Variants in USH2A observed in about 807,000 individuals in gnomAD.
The protein encoded by USH2A is Usher syndrome 2A (autosomal recessive, mild).
Under a neutral mutation model 538.9 loss-of-function variants are expected in USH2A, and 443 were observed. The ratio of observed to expected loss-of-function variants is 0.82; its 90% CI spans 0.76 to 0.89. The LOEUF (loss-of-function observed/expected upper bound fraction) is 0.89. Ranked by LOEUF, USH2A falls within the 40% of genes least tolerant of loss-of-function variation. The pLI, the probability that USH2A is intolerant of heterozygous loss-of-function variation, is 0.00. For synonymous variants in USH2A, 2,413 were observed against 2,273.5 expected (o/e 1.06, Z -1.75); for missense variants, 6,633 against 6,324.8 (o/e 1.05, Z -1.65).
rs144054659 is a variant in USH2A at position 216,199,227 on chromosome 1, A to AT, written c.3811+399dup. Among the ~76,000 whole-genome samples the AT allele has an allele frequency of 4.0e-3, 602 of 152,302 alleles. 1 individual carries two copies. Among genetic ancestry groups the AT allele is most frequent in the African/African-American group, 0.014 (577 of 41,564 alleles). ...ATGGAGTCAGTTAGCTTATATACAT[A>AT]TTTTTTGTATCATTTTATATCTTTT... On this transcript the variant is annotated intron_variant, in intron 17 of 71. Coordinates refer to ENST00000307340, the MANE Select transcript of USH2A (RefSeq NM_206933.4).
chr1:216,302,189 G>T (rs1039895634), intron 9 of USH2A, among the ~76,000 whole-genome samples: 9 of 152,360 alleles, frequency 5.9e-5, no homozygotes, highest in African/African-American at 1.9e-4. Flanking sequence ...AATCTAGACA[G>T]AAAATGGCTC....
intron 63 of USH2A, among the ~76,000 whole-genome samples, chr1:215,673,604 C>T (rs1016913610): frequency 6.6e-6 from 1 of 152,144 alleles, no homozygotes; most frequent in Non-Finnish European, 1.5e-5. Context: ...GTCAGAGAAG[C>T]CTTATTATTC....
intron 61 of USH2A, among the ~76,000 whole-genome samples, chr1:215,724,441 G>A (rs552952969): frequency 1.0e-3 from 125 of 124,362 alleles, no homozygotes; most frequent in Admixed American, 2.0e-3. Flanking sequence ...TGGAATAATA[G>A]ACACTGGAGA....
intron 61 of USH2A, among the ~76,000 whole-genome samples, chr1:215,683,283 CCTT>C (rs1658304526): frequency 6.6e-6 from 1 of 151,540 alleles, no homozygotes; most frequent in Non-Finnish European, 1.5e-5. Context: ...CATATAGACT[CCTT>C]AAATAGATCT....
At chr1:215,900,675 G>A in intron 39 of USH2A, 80 bp downstream of exon 39, 3 of 1,590,616 alleles carry the variant, frequency 1.9e-6, no homozygotes, top group African/African-American at 1.3e-5. Context: ...TTTTGCAAAT[G>A]AGAACTGACC....
chr1:216,310,267 T>A (rs1322770840), intron 9 of USH2A, among the ~76,000 whole-genome samples: 1 of 152,198 alleles, frequency 6.6e-6, no homozygotes, highest in South Asian at 2.1e-4. Context: ...TTTTACATGG[T>A]TCCATTTTCT....
chr1:215,885,366 TAATTC>T (rs1665024322), intron 41 of USH2A, among the ~76,000 whole-genome samples: 1 of 152,206 alleles, frequency 6.6e-6, no homozygotes, highest in Non-Finnish European at 1.5e-5. Flanking sequence ...ATATACTGCT[TAATTC>T]AATTTGGTAA....
intron 3 of USH2A, among the ~76,000 whole-genome samples, chr1:216,384,666 A>G (rs997203294): frequency 6.6e-6 from 1 of 152,118 alleles, no homozygotes; most frequent in African/African-American, 2.4e-5. Flanking sequence ...AGTGGCCTCA[A>G]TCCACACACC....
At chr1:215,728,460 T>G in intron 60 of USH2A, 76 bp from the exon 61 acceptor site, 1 of 1,404,624 alleles carries the variant, frequency 7.1e-7, no homozygotes, top group East Asian at 2.4e-5. Context: ...GTAAAAACAT[T>G]TTTTTTAGAA....
At chr1:215,744,950 T>C (rs1357935852) in intron 58 of USH2A, among the ~76,000 whole-genome samples, 1 of 152,224 alleles carries the variant, frequency 6.6e-6, no homozygotes, top group East Asian at 1.9e-4. Flanking sequence ...TCTCTAGCTT[T>C]CTATCTTTCC....
intron 3 of USH2A, among the ~76,000 whole-genome samples, chr1:216,368,706 C>G (rs1027930684): frequency 2.0e-5 from 3 of 152,150 alleles, no homozygotes; most frequent in African/African-American, 7.2e-5. Context: ...ATGGTTGTTT[C>G]TAACTTAAAT....
intron 35 of USH2A, among the ~76,000 whole-genome samples, chr1:215,984,987 G>A (rs774169369): frequency 2.6e-5 from 4 of 152,104 alleles, no homozygotes; most frequent in Non-Finnish European, 5.9e-5. Context: ...TGGAATCAAC[G>A]GAATCTAAAA....
intron 2 of USH2A, among the ~76,000 whole-genome samples, chr1:216,420,205 G>A (rs1003802578): frequency 6.6e-6 from 1 of 151,974 alleles, no homozygotes; most frequent in African/African-American, 2.4e-5. Flanking sequence ...CTACAAGTGA[G>A]AATTCGACCA....
At chr1:215,821,801 G>A (rs1264294343) in intron 47 of USH2A, among the ~76,000 whole-genome samples, 1 of 151,696 alleles carries the variant, frequency 6.6e-6, no homozygotes, top group Non-Finnish European at 1.5e-5. Flanking sequence ...GTAAGAGATA[G>A]GGGTCTATCT....
At chr1:215,921,128 G>C (rs1234814424) in intron 38 of USH2A, among the ~76,000 whole-genome samples, 1 of 151,982 alleles carries the variant, frequency 6.6e-6, no homozygotes, top group Non-Finnish European at 1.5e-5. Context: ...AACACTATTA[G>C]ATAAATTAAG....
intron 32 of USH2A, among the ~76,000 whole-genome samples, chr1:216,006,900 G>C (rs189147657): frequency 5.9e-5 from 9 of 152,212 alleles, no homozygotes; most frequent in Admixed American, 3.3e-4. Flanking sequence ...TTATCTAAAT[G>C]CTTCTCAGTG....
At position 215,674,476 on chromosome 1, in the gene USH2A, G is replaced by A; in HGVS notation, c.13435C>T (p.Leu4479Phe). 1.2e-6 allele frequency: 2 copies of A among 1,614,120 alleles called. No homozygotes were observed. Among genetic ancestry groups the A allele is most frequent in the Non-Finnish European group, 1.7e-6 (2 of 1,180,026 alleles). ...TATACAATGGTTCCATCCCTCCTAA[G>A]TTCATAACTTCTGATCTGGCCATTT... ...NPNGQIRSYE[L>F]RRDGTIVYTG... Residue 4479 changes from leucine to phenylalanine, a missense_variant, in exon 63 of 72, where the codon CTT (leucine) becomes TTT (phenylalanine). Transcript: ENST00000307340.
At chr1:215,847,447 C>A (rs1017552726) in intron 44 of USH2A, among the ~76,000 whole-genome samples, 17 of 151,894 alleles carry the variant, frequency 1.1e-4, no homozygotes, top group Admixed American at 1.1e-3. Context: ...GAGTTCGAGA[C>A]CAGCCTGGGA....
At chr1:216,331,341 T>C (rs1024696219) in intron 4 of USH2A, among the ~76,000 whole-genome samples, 1 of 152,096 alleles carries the variant, frequency 6.6e-6, no homozygotes, top group African/African-American at 2.4e-5. Flanking sequence ...ATTATATAAA[T>C]TGATCAAGGA....
Sources: gnomAD v4.1 joint callset for allele counts (sites outside exome capture counted in the v4.1 genomes callset) on GRCh38, gnomAD v4.1.1 for gene constraint, MANE v1.5 for transcripts, NCBI Gene and HGNC (gene_info 2026-07-23, HGNC 2026-07-21) for gene names.